The following DCC variants were observed in gnomAD, a reference collection of about 807,000 sequenced individuals.
The protein encoded by DCC is netrin receptor DCC.
A neutral mutation model predicts 172.5 loss-of-function variants in DCC; 58 were observed. The observed-to-expected ratio is 0.34, with a 90% CI of 0.27 to 0.42. The LOEUF is 0.42. Ranked by LOEUF, DCC falls within the 10% of genes least tolerant of loss-of-function variation. The pLI, the probability that DCC is intolerant of heterozygous loss-of-function variation, is 1.00. For synonymous variants in DCC, 709 were observed against 644.5 expected (o/e 1.10, Z -1.52); for missense variants, 1,740 against 1,791.0 (o/e 0.97, Z 0.51).
At chr18:52,757,661 T>C (rs2037097247) in intron 2 of DCC, among the ~76,000 whole-genome samples, 1 of 152,130 alleles carries the variant, frequency 6.6e-6, no homozygotes, top group South Asian at 2.1e-4. Context: ...TTATATTGTA[T>C]TTGTGTCCAG....
chr18:52,390,889 T>G (rs551365868), intron 1 of DCC, among the ~76,000 whole-genome samples: 38 of 152,148 alleles, frequency 2.5e-4, no homozygotes, highest in Non-Finnish European at 4.4e-4. Context: ...TAGCGAACAT[T>G]GAGTGTATTA....
rs1411401206 is a variant in DCC, at chr18:53,410,487, C to A, written c.2971C>A (p.Pro991Thr). The stretch of plus-strand genomic sequence containing the variant: ...ATTTTATACCTTGGACAAGAACATC[C>A]CAATTGATGACTGGATTATGGAAAC... Reference protein sequence around the residue: ...ILFYTLDKNIPIDDWIMETIS... With the variant: ...ILFYTLDKNITIDDWIMETIS... Residue 991 changes from proline (P) to threonine (T), a missense_variant, in exon 20 of 29, where the codon CCA (proline) becomes ACA (threonine). Physicochemically the swap from Pro to Thr is conservative, Grantham distance 38. Coordinates refer to ENST00000442544, the MANE Select transcript of DCC (RefSeq NM_005215.4). The A allele has an allele frequency of 1.2e-6, 2 of 1,609,856 alleles. No individual in the cohort carries two copies. Among genetic ancestry groups the A allele is most frequent in the Admixed American group, 1.7e-5 (1 of 59,964 alleles).
intron 5 of DCC, among the ~76,000 whole-genome samples, chr18:53,032,561 A>G (rs1038070256): frequency 6.6e-6 from 1 of 152,180 alleles, no homozygotes; most frequent in Admixed American, 6.6e-5. Context: ...GGTCCTATGC[A>G]TTGTATCTGT....
intron 12 of DCC, among the ~76,000 whole-genome samples, chr18:53,222,244 T>C (rs2055945274): frequency 6.6e-6 from 1 of 152,194 alleles, no homozygotes; most frequent in African/African-American, 2.4e-5. Flanking sequence ...TGTAATTAAG[T>C]TGAATAAAAG....
chr18:52,514,157 A>G (rs1356498892), intron 1 of DCC, among the ~76,000 whole-genome samples: 1 of 152,198 alleles, frequency 6.6e-6, no homozygotes, highest in Non-Finnish European at 1.5e-5. Flanking sequence ...ATGTGTATAT[A>G]TATATAATGT....
intron 1 of DCC, among the ~76,000 whole-genome samples, chr18:52,414,265 G>A (rs915898599): frequency 4.6e-5 from 7 of 152,148 alleles, no homozygotes; most frequent in Middle Eastern, 3.4e-3. Flanking sequence ...TGTATTTTTA[G>A]TAGAGACAGT....
At chr18:53,085,996 TCC>T (rs1568294180) in intron 7 of DCC, among the ~76,000 whole-genome samples, 4 of 55,132 alleles carry the variant, frequency 7.3e-5, no homozygotes, top group African/African-American at 6.5e-4. Flanking sequence ...CTTCTCCTTC[TCC>T]TTCTTCTCCT....
chr18:52,858,949 A>G (rs747376718), intron 2 of DCC, among the ~76,000 whole-genome samples: 4 of 152,344 alleles, frequency 2.6e-5, no homozygotes, highest in Middle Eastern at 3.4e-3. Flanking sequence ...CATTAATGTC[A>G]ATAAGTCACC....
rs1402925675 is a variant in DCC, at chr18:52,610,168, AAAAAAAAAAAATATATAT to A, written c.92-141884_92-141867del. On this transcript the variant is annotated intron_variant, in intron 1 of 28. Coordinates refer to ENST00000442544, the MANE Select transcript of DCC (RefSeq NM_005215.4). ...ATCTCTCATAAAAAAAAAAAAAAAA[AAAAAAAAAAAATATATAT>A]ATATATATATATATATATATATATA... Among the ~76,000 whole-genome samples the A allele has an allele frequency of 3.7e-3, 85 of 23,052 alleles. 2 individuals carry two copies. Among genetic ancestry groups the A allele is most frequent in the African/African-American group, 0.015 (80 of 5,364 alleles). The allele number at this position is 23,052 out of a possible 152,430, so 15.1% of individuals were successfully genotyped here. A position where few individuals can be genotyped will look rare whatever the true frequency, so the allele number is the denominator to read the frequency against.
intron 16 of DCC, among the ~76,000 whole-genome samples, chr18:53,388,182 G>C (rs1908297932): frequency 6.6e-6 from 1 of 152,134 alleles, no homozygotes; most frequent in African/African-American, 2.4e-5. Context: ...GCCAGTTAAG[G>C]GGTTCGAGAA....
At chr18:52,640,661 G>T (rs544738866) in intron 1 of DCC, among the ~76,000 whole-genome samples, 1 of 151,730 alleles carries the variant, frequency 6.6e-6, no homozygotes, top group African/African-American at 2.4e-5. Flanking sequence ...TAACCAAGGA[G>T]TTGAAAGACC....
At chr18:52,348,849 T>C (rs991699599) in intron 1 of DCC, among the ~76,000 whole-genome samples, 25 of 152,176 alleles carry the variant, frequency 1.6e-4, no homozygotes, top group African/African-American at 5.8e-4. Context: ...TGTAACATTG[T>C]TGATTACCCT....
chr18:52,377,170 T>A (rs1370770189), intron 1 of DCC, among the ~76,000 whole-genome samples: 1 of 152,242 alleles, frequency 6.6e-6, no homozygotes, highest in Non-Finnish European at 1.5e-5. Context: ...CTAATTGATC[T>A]AAATGTGAAG....
intron 2 of DCC, among the ~76,000 whole-genome samples, chr18:52,849,297 A>G (rs544203534): frequency 6.6e-6 from 1 of 152,240 alleles, no homozygotes; most frequent in South Asian, 2.1e-4. Context: ...TCAGTTAATT[A>G]TGTGTTGTTT....
chr18:52,728,088 G>T (rs533682586), intron 1 of DCC, among the ~76,000 whole-genome samples: 2 of 151,890 alleles, frequency 1.3e-5, no homozygotes, highest in Non-Finnish European at 2.9e-5. Context: ...TTGTTTTCAG[G>T]GTGTTGGTGT....
rs755042751 is a variant in DCC at position 53,416,119 on chromosome 18, C to T, written c.3131-5C>T. 21 of 1,606,492 alleles carry T rather than the reference C, an allele frequency of 1.3e-5. No individual in the cohort carries two copies. Among genetic ancestry groups the T allele is most frequent in the Middle Eastern group, 1.6e-4 (1 of 6,074 alleles). ...CTAATAATGTTATTTCTTTTTCCCC[C>T]GCAGTGGAACACCCTGACAAAATGG... On this transcript the variant is annotated splice_region_variant and splice_polypyrimidine_tract_variant and intron_variant, in intron 20 of 28. Coordinates refer to ENST00000442544, the MANE Select transcript of DCC (RefSeq NM_005215.4).
At chr18:53,478,090 T>C (rs967340442) in intron 25 of DCC, among the ~76,000 whole-genome samples, 1 of 152,128 alleles carries the variant, frequency 6.6e-6, no homozygotes, top group Non-Finnish European at 1.5e-5. Context: ...ATAACACCAG[T>C]GAGGGTGAAG....
In DCC at chr18:53,339,901, A is replaced by T; in HGVS notation, c.2353A>T (p.Arg785Trp). ...DSKQRYYSIE[R>W]LESSSHYVIS... ...CAAGCAGCGATATTATTCCATTGAGAGGTTAGGTGAGTATCTGTGATTTTT... is the reference window on the plus strand; with the variant it reads ...CAAGCAGCGATATTATTCCATTGAGTGGTTAGGTGAGTATCTGTGATTTTT... Residue 785 changes from arginine (R) to tryptophan (W), a missense_variant, in exon 15 of 29, where the codon AGG becomes TGG. Physicochemically the swap from Arg to Trp is moderately radical, Grantham distance 101. Around this residue, in one of 2 missense-constraint regions of DCC, gnomAD observed 1,732 missense variants for 1,767.4 expected, o/e 0.98. Transcript: ENST00000442544. 2 of 1,612,568 alleles carry T rather than the reference A, an allele frequency of 1.2e-6. No homozygotes were observed. The highest frequency in any genetic ancestry group is 1.1e-5 in the South Asian group (1 of 91,052).
intron 1 of DCC, among the ~76,000 whole-genome samples, chr18:52,683,244 A>G (rs761840803): frequency 1.3e-5 from 2 of 152,012 alleles, no homozygotes; most frequent in Non-Finnish European, 2.9e-5. Flanking sequence ...AGGTTTTTCT[A>G]CTTCTTAAGG....
Sources: gnomAD v4.1 joint callset for allele counts (sites outside exome capture counted in the v4.1 genomes callset) on GRCh38, gnomAD v4.1.1 for gene constraint, gnomAD v4.1.1 regional missense constraint, MANE v1.5 for transcripts, NCBI Gene and HGNC (gene_info 2026-07-23, HGNC 2026-07-21) for gene names.